Variants in B4GALT5 observed in about 807,000 individuals in gnomAD.
The protein encoded by B4GALT5 is UDP-Gal:beta-GlcNAc beta-1,4-galactosyltransferase 5.
A neutral mutation model predicts 45.0 loss-of-function variants in B4GALT5; 11 were observed. The ratio of observed to expected loss-of-function variants is 0.24; its 90% CI spans 0.15 to 0.40. The LOEUF is 0.40. Ranked by LOEUF, B4GALT5 falls within the 10% of genes least tolerant of loss-of-function variation. B4GALT5 has a pLI of 1.00. For synonymous variants in B4GALT5, 185 were observed against 182.9 expected (o/e 1.01, Z -0.09); for missense variants, 337 against 500.2 (o/e 0.67, Z 3.11).
At chr20:49,697,556 C>T (rs2085844471) in intron 1 of B4GALT5, among the ~76,000 whole-genome samples, 1 of 150,386 alleles carries the variant, frequency 6.6e-6, no homozygotes, top group Admixed American at 6.7e-5. Context: ...TAAGGGATGG[C>T]AGAGGAAGGG....
At chr20:49,706,468 C>G (rs6019987) in intron 1 of B4GALT5, among the ~76,000 whole-genome samples, 100,720 of 152,046 alleles carry the variant, frequency 0.66, 33,476 homozygotes, top group South Asian at 0.79. Flanking sequence ...TATAAATTGA[C>G]AGATGTAGTC....
intron 1 of B4GALT5, among the ~76,000 whole-genome samples, chr20:49,656,980 C>A (rs1322030864): frequency 6.6e-6 from 1 of 152,104 alleles, no homozygotes; most frequent in Non-Finnish European, 1.5e-5. Context: ...TCTCCAAATA[C>A]CCAATCTGTA....
rs553150045 is a variant in B4GALT5 at position 49,674,660 on chromosome 20, T to C, written c.116-17958A>G. Among the ~76,000 whole-genome samples, 14 of 149,348 alleles carry C rather than the reference T, an allele frequency of 9.4e-5. 2 individuals carry two copies. The South Asian group carries it at 2.8e-3, about 29-fold the overall frequency. On this transcript the variant is annotated intron_variant, in intron 1 of 8. Coordinates refer to ENST00000371711, the MANE Select transcript of B4GALT5 (RefSeq NM_004776.4). Reference sequence around the variant, plus strand: ...AGTAGTTACAGAGACCAGACCAGCCTGGGAAACATAGCGAGACCCCATCCC... The same window carrying C: ...AGTAGTTACAGAGACCAGACCAGCCCGGGAAACATAGCGAGACCCCATCCC...
chr20:49,690,185 T>A lies in B4GALT5; in HGVS notation c.115+23391A>T, dbSNP rs147153280. On this transcript the variant is annotated intron_variant, in intron 1 of 8. Transcript: ENST00000371711. ...CACCTGGCTACTTCTTTTGTATTTT[T>A]AGTAGAGACAGGGTTTCGCCATGTT... Among the ~76,000 whole-genome samples, 1,332 of 152,210 alleles carry A rather than the reference T, an allele frequency of 8.8e-3. 13 individuals are homozygous for A. Among genetic ancestry groups the A allele is most frequent in the African/African-American group, 0.03 (1,264 of 41,544 alleles).
intron 1 of B4GALT5, among the ~76,000 whole-genome samples, chr20:49,698,879 A>C (rs1199614947): frequency 2.6e-5 from 4 of 152,180 alleles, no homozygotes; most frequent in African/African-American, 9.7e-5. Context: ...CTGTTTATTA[A>C]TAACATGCTT....
chr20:49,639,006 C>A (rs1459894354), intron 7 of B4GALT5, among the ~76,000 whole-genome samples: 1 of 152,146 alleles, frequency 6.6e-6, no homozygotes, highest in Middle Eastern at 3.2e-3. Context: ...GAGCTCTATA[C>A]ACATTACATC....
chr20:49,696,675 T>G (rs1257589102), intron 1 of B4GALT5, among the ~76,000 whole-genome samples: 1 of 152,226 alleles, frequency 6.6e-6, no homozygotes, highest in East Asian at 1.9e-4. Flanking sequence ...CAAATATCTG[T>G]GTATACAATG....
At chr20:49,699,116 G>A (rs539023752) in intron 1 of B4GALT5, among the ~76,000 whole-genome samples, 6 of 152,154 alleles carry the variant, frequency 3.9e-5, no homozygotes, top group East Asian at 1.9e-4. Flanking sequence ...CAGAAATGAC[G>A]TTAATAGCAA....
intron 1 of B4GALT5, among the ~76,000 whole-genome samples, chr20:49,688,125 T>C (rs1443127850): frequency 2.0e-5 from 3 of 152,224 alleles, no homozygotes; most frequent in Admixed American, 1.3e-4. Flanking sequence ...GCAGAGCTCA[T>C]GGTAATGTCT....
At chr20:49,672,552 T>G (rs980311938) in intron 1 of B4GALT5, among the ~76,000 whole-genome samples, 1 of 152,112 alleles carries the variant, frequency 6.6e-6, no homozygotes, top group Non-Finnish European at 1.5e-5. Context: ...TCATCTATTA[T>G]GACAGACAGA....
chr20:49,639,066 G>C (rs1264405340), intron 7 of B4GALT5, among the ~76,000 whole-genome samples: 1 of 152,080 alleles, frequency 6.6e-6, no homozygotes, highest in African/African-American at 2.4e-5. Flanking sequence ...CTGACACACA[G>C]AGATTTTAAA....
intron 1 of B4GALT5, among the ~76,000 whole-genome samples, chr20:49,709,518 T>A (rs1164900373): frequency 6.6e-6 from 1 of 152,194 alleles, no homozygotes; most frequent in Non-Finnish European, 1.5e-5. Flanking sequence ...ACGCCTGTAA[T>A]CCTAGCACTT....
chr20:49,706,389 C>T (rs2146362704), intron 1 of B4GALT5, among the ~76,000 whole-genome samples: 1 of 152,232 alleles, frequency 6.6e-6, no homozygotes, highest in South Asian at 2.1e-4. Context: ...ATTGTATGTG[C>T]TTCAGGAATA....
At chr20:49,678,518 C>CT (rs1254273985) in intron 1 of B4GALT5, among the ~76,000 whole-genome samples, 1 of 152,156 alleles carries the variant, frequency 6.6e-6, no homozygotes, top group African/African-American at 2.4e-5. Flanking sequence ...CATGCTGCCT[C>CT]TGAAGGACAA....
At chr20:49,693,388 T>C (rs990256638) in intron 1 of B4GALT5, among the ~76,000 whole-genome samples, 4 of 152,148 alleles carry the variant, frequency 2.6e-5, no homozygotes, top group Non-Finnish European at 4.4e-5. Flanking sequence ...AACAGAATGG[T>C]CCAGTAACTG....
chr20:49,663,675 G>GAAAAAAAAAAGAAA (rs1555812110), intron 1 of B4GALT5, among the ~76,000 whole-genome samples: 4 of 3,006 alleles, frequency 1.3e-3, no homozygotes, highest in Admixed American at 0.01. Flanking sequence ...TTCATCTCAA[G>GAAAAAAAAAAGAAA]AAAAAAAAAA....
At chr20:49,669,152 T>C (rs931087149) in intron 1 of B4GALT5, among the ~76,000 whole-genome samples, 4 of 152,060 alleles carry the variant, frequency 2.6e-5, no homozygotes, top group Non-Finnish European at 5.9e-5. Flanking sequence ...AGAGCCATCA[T>C]GCCCAGCCAA....
Position 49,634,041 on chromosome 20 carries a change from T to C in B4GALT5, c.*2271A>G, listed in dbSNP as rs1984444094. ...GTAATGTTCACTTGTGAAGGTATTT[T>C]AAAGCATGAAATGCTTAAGTCTTAA... On this transcript the variant is annotated 3_prime_UTR_variant, in exon 9 of 9. Coordinates refer to ENST00000371711, the MANE Select transcript of B4GALT5 (RefSeq NM_004776.4). 1 of 152,646 alleles carries C rather than the reference T, an allele frequency of 6.6e-6. No individual in the cohort carries two copies. The highest frequency in any genetic ancestry group is 2.1e-4 in the South Asian group (1 of 4,836). 9.5% of individuals were successfully genotyped at this position (152,646 alleles called of 1,614,324 possible).
At chr20:49,693,454 T>C (rs2085824792) in intron 1 of B4GALT5, among the ~76,000 whole-genome samples, 3 of 152,164 alleles carry the variant, frequency 2.0e-5, no homozygotes, top group African/African-American at 7.2e-5. Context: ...TAAGAATCAT[T>C]AGGCTCCACA....
Sources: gnomAD v4.1 joint callset for allele counts (sites outside exome capture counted in the v4.1 genomes callset) on GRCh38, gnomAD v4.1.1 for gene constraint, MANE v1.5 for transcripts, NCBI Gene and HGNC (gene_info 2026-07-23, HGNC 2026-07-21) for gene names.